Variants in SORT1 observed in about 807,000 individuals in gnomAD.
SORT1 encodes sortilin.
In SORT1, 39 loss-of-function variants were observed where a neutral mutation model predicts 101.7. The ratio of observed to expected loss-of-function variants is 0.38; its 90% CI spans 0.30 to 0.50. SORT1 has a LOEUF of 0.50. SORT1 is among the 20% of genes least tolerant of loss of function. SORT1 has a pLI of 0.90. For missense variants in SORT1, 878 were observed against 1,040.4 expected (o/e 0.84, Z 2.15); for synonymous variants, 396 against 393.7 (o/e 1.01, Z -0.07).
At position 109,327,570 on chromosome 1, in the gene SORT1, A is replaced by G; in HGVS notation, c.1403T>C (p.Ile468Thr). 1 of 1,610,352 alleles carries G rather than the reference A, an allele frequency of 6.2e-7. No homozygotes were observed. The highest frequency in any genetic ancestry group is 2.2e-5 in the East Asian group (1 of 44,594). Residue 468 changes from isoleucine (I) to threonine (T), a missense_variant, in exon 12 of 20, where the codon ATC (isoleucine) becomes ACC (threonine). Physicochemically the swap from Ile to Thr is moderately conservative, Grantham distance 89 (BLOSUM62 -1). Coordinates refer to ENST00000256637, the MANE Select transcript of SORT1 (RefSeq NM_002959.7). ...CSLHIHASYS[I>T]SQKLNVPMAP... ...CATTGGAACATTCAGTTTCTGGGAG[A>G]TGCTGTAGGAAGCATGAATATGAAG...
At chr1:109,370,288 A>G (rs552866488) in intron 1 of SORT1, among the ~76,000 whole-genome samples, 1 of 152,148 alleles carries the variant, frequency 6.6e-6, no homozygotes, top group Non-Finnish European at 1.5e-5. Flanking sequence ...TTTTTCAAAT[A>G]CTTCCTTTCT....
At chr1:109,376,042 T>C (rs1408655929) in intron 1 of SORT1, among the ~76,000 whole-genome samples, 1 of 152,178 alleles carries the variant, frequency 6.6e-6, no homozygotes, top group African/African-American at 2.4e-5. Context: ...GATTTGGAGA[T>C]TTCTCAAAGA....
chr1:109,379,877 G>GA (rs1370734991), intron 1 of SORT1, among the ~76,000 whole-genome samples: 6 of 151,494 alleles, frequency 4.0e-5, no homozygotes, highest in African/African-American at 1.5e-4. Flanking sequence ...TGGCTATTTG[G>GA]AAAAAAAATA....
At chr1:109,392,346 A>C (rs1410850359) in intron 1 of SORT1, among the ~76,000 whole-genome samples, 2 of 152,224 alleles carry the variant, frequency 1.3e-5, no homozygotes, top group Non-Finnish European at 2.9e-5. Flanking sequence ...AGTTGACTGG[A>C]AACTGGCAGA....
At chr1:109,357,629 G>A (rs1165840683) in intron 3 of SORT1, among the ~76,000 whole-genome samples, 1 of 152,168 alleles carries the variant, frequency 6.6e-6, no homozygotes, top group Non-Finnish European at 1.5e-5. Flanking sequence ...GGGGGCTTAT[G>A]ACCTGGCAGA....
At chr1:109,345,927 C>T (rs1055255512) in intron 7 of SORT1, 46 bp from the exon 8 acceptor site, 1 of 1,541,264 alleles carries the variant, frequency 6.5e-7, no homozygotes, top group Non-Finnish European at 8.9e-7. Flanking sequence ...TACTGGTGAG[C>T]CTAGTTCAAA....
chr1:109,381,304 A>T (rs1224905559), intron 1 of SORT1, among the ~76,000 whole-genome samples: 3 of 152,214 alleles, frequency 2.0e-5, no homozygotes, highest in Admixed American at 2.0e-4. Flanking sequence ...TAATCCACAT[A>T]ACCCCATGAG....
Position 109,397,663 on chromosome 1 carries a change from C to A in SORT1, c.230G>T (p.Arg77Leu), listed in dbSNP as rs1050081453. Reference sequence around the variant, plus strand: ...CTCCTCGTCCTCGCCCGGCGCGCTGCGACGCCAACGGCCGCCGCGGGGAAA... The same window carrying A: ...CTCCTCGTCCTCGCCCGGCGCGCTGAGACGCCAACGGCCGCCGCGGGGAAA... ...GAFPRGGRWR[R>L]SAPGEDEECG... Residue 77 changes from arginine to leucine, a missense_variant, in exon 1 of 20, where the codon CGC (arginine) becomes CTC (leucine). Arg to Leu is a moderately radical substitution (Grantham distance 102). Around this residue, in one of 2 missense-constraint regions of SORT1, gnomAD observed 194 missense variants for 145.9 expected, o/e 1.33. Coordinates refer to ENST00000256637, the MANE Select transcript of SORT1 (RefSeq NM_002959.7). 7.4e-6 allele frequency: 9 copies of A among 1,215,310 alleles called. No homozygotes were observed. The highest frequency in any genetic ancestry group is 2.2e-5 in the South Asian group (1 of 45,982). The allele number at this position is 1,215,310 out of a possible 1,614,324, so 75.3% of individuals were successfully genotyped here.
At chr1:109,314,165 G>T in intron 19 of SORT1, 96 bp downstream of exon 19, 2 of 1,580,796 alleles carry the variant, frequency 1.3e-6, no homozygotes, top group Non-Finnish European at 1.7e-6. Context: ...AGTCGCCTTG[G>T]CCCTGGCATA....
intron 3 of SORT1, among the ~76,000 whole-genome samples, chr1:109,358,717 G>T (rs1368644026): frequency 6.6e-6 from 1 of 152,114 alleles, no homozygotes; most frequent in Non-Finnish European, 1.5e-5. Context: ...AGCCAGGCAT[G>T]GTGGCACGCG....
rs749556914 is a variant in SORT1 at position 109,390,798 on chromosome 1, T to TGTGTGTGTGTGTGTGTGTGC, written c.306+6788_306+6789insGCACACACACACACACACAC. Among the ~76,000 whole-genome samples, 8 of 144,864 alleles carry TGTGTGTGTGTGTGTGTGTGC rather than the reference T, an allele frequency of 5.5e-5. 1 individual carries two copies. Among genetic ancestry groups the TGTGTGTGTGTGTGTGTGTGC allele is most frequent in the Admixed American group, 2.1e-4 (3 of 14,518 alleles). ...GTGTGTGTGTGTGTGTGTGTGTGTGTGCGCGCGCGCGTTTTAGGACATACA... is the reference window on the plus strand; with the variant it reads ...GTGTGTGTGTGTGTGTGTGTGTGTGTGTGTGTGTGTGTGTGTGTGCGCGCGCGCGCGTTTTAGGACATACA... On this transcript the variant is annotated intron_variant, in intron 1 of 19. Transcript: ENST00000256637.
chr1:109,397,505 G>A, intron 1 of SORT1, 82 bp downstream of exon 1: 2 of 934,826 alleles, frequency 2.1e-6, no homozygotes, highest in Non-Finnish European at 2.6e-6. Flanking sequence ...TCTCCTCCGG[G>A]AGTCGCGGGG....
rs1261996686 is a variant in SORT1 at position 109,320,296 on chromosome 1, G to T, written c.2025-2327C>A. On this transcript the variant is annotated intron_variant, in intron 15 of 19. Transcript: ENST00000256637. Reference sequence around the variant, plus strand: ...CTAAATATGCTGACAAAACCTCAAAGAAATAAGATGTTCAAAATACATCAT... The same window carrying T: ...CTAAATATGCTGACAAAACCTCAAATAAATAAGATGTTCAAAATACATCAT... 4.6e-5 allele frequency among the ~76,000 whole-genome samples: 7 copies of T among 152,240 alleles called. No homozygotes were observed. The South Asian group carries it at 8.3e-4, about 18-fold the overall frequency.
At chr1:109,336,178 TG>T in intron 11 of SORT1, 61 bp downstream of exon 11, 2 of 1,006,190 alleles carry the variant, frequency 2.0e-6, no homozygotes, top group Non-Finnish European at 3.2e-6. Context: ...TCCAAAAGGC[TG>T]GCACTGATCA....
At chr1:109,349,712 T>C (rs1365190621) in intron 6 of SORT1, among the ~76,000 whole-genome samples, 5 of 152,166 alleles carry the variant, frequency 3.3e-5, no homozygotes, top group Non-Finnish European at 7.3e-5. Flanking sequence ...GTCAAGGCTG[T>C]GGTAAGCCAT....
At chr1:109,386,640 C>A (rs1652586387) in intron 1 of SORT1, among the ~76,000 whole-genome samples, 1 of 152,070 alleles carries the variant, frequency 6.6e-6, no homozygotes, top group Admixed American at 6.5e-5. Flanking sequence ...ATCACTTGAG[C>A]CCAGGAATCC....
At chr1:109,394,895 G>A (rs1206388121) in intron 1 of SORT1, among the ~76,000 whole-genome samples, 1 of 152,110 alleles carries the variant, frequency 6.6e-6, no homozygotes, top group Non-Finnish European at 1.5e-5. Context: ...TCCTTCCCCA[G>A]TTGTACAAAG....
intron 11 of SORT1, among the ~76,000 whole-genome samples, chr1:109,334,702 A>C (rs1648691405): frequency 6.6e-6 from 1 of 152,200 alleles, no homozygotes; most frequent in African/African-American, 2.4e-5. Context: ...GATAATTGTG[A>C]GGTGATGCAT....
chr1:109,378,752 ATATATAT>A (rs1652035862), intron 1 of SORT1, among the ~76,000 whole-genome samples: 1 of 77,452 alleles, frequency 1.3e-5, no homozygotes, highest in African/African-American at 4.8e-5. Context: ...ATATATATAT[ATATATAT>A]ATAAAGATGT....
Sources: gnomAD v4.1 joint callset for allele counts (sites outside exome capture counted in the v4.1 genomes callset) on GRCh38, gnomAD v4.1.1 for gene constraint, gnomAD v4.1.1 regional missense constraint, MANE v1.5 for transcripts, NCBI Gene and HGNC (gene_info 2026-07-23, HGNC 2026-07-21) for gene names.